The following OTOGL variants were observed in gnomAD, a reference collection of about 807,000 sequenced individuals.
The protein encoded by OTOGL is otogelin-like protein.
A neutral mutation model predicts 318.5 loss-of-function variants in OTOGL; 285 were observed. The observed-to-expected ratio is 0.89, with a 90% CI of 0.81 to 0.99. The LOEUF (loss-of-function observed/expected upper bound fraction) is 0.99, where lower values mean the gene tolerates loss of function less well. OTOGL is among the 50% of genes least tolerant of loss of function. The pLI, the probability that OTOGL is intolerant of heterozygous loss-of-function variation, is 0.00. For synonymous variants in OTOGL, 987 were observed against 936.5 expected (o/e 1.05, Z -0.99); for missense variants, 2,899 against 2,845.6 (o/e 1.02, Z -0.43).
At chr12:80,246,341 A>G (rs1313977119) in intron 11 of OTOGL, among the ~76,000 whole-genome samples, 2 of 145,308 alleles carry the variant, frequency 1.4e-5, no homozygotes, top group Admixed American at 1.3e-4. Context: ...CGTCCCATCA[A>G]TACCTAATTT....
intron 1 of OTOGL, among the ~76,000 whole-genome samples, chr12:80,164,332 T>C (rs993285162): frequency 3.3e-5 from 5 of 152,150 alleles, no homozygotes; most frequent in African/African-American, 1.2e-4. Flanking sequence ...TGGGTGTTTG[T>C]TTAAATGTTT....
intron 9 of OTOGL, 122 bp downstream of exon 9, chr12:80,233,219 CT>C: frequency 1.2e-6 from 1 of 834,092 alleles, no homozygotes; most frequent in Non-Finnish European, 1.8e-6. Context: ...CACTTGCCTG[CT>C]TTAGTGATTT....
At chr12:80,131,759 T>A (rs921046684) in intron 1 of OTOGL, 8 of 152,352 alleles carry the variant, frequency 5.3e-5, no homozygotes, top group Non-Finnish European at 7.4e-5. Context: ...CCTGTAAGAA[T>A]CATTCAAGAT....
chr12:80,278,910 C>A (rs913803095), intron 25 of OTOGL, 118 bp from the exon 26 acceptor site: 6 of 1,165,410 alleles, frequency 5.1e-6, no homozygotes. Flanking sequence ...TGGCAATATT[C>A]GTAAGGGATA....
intron 29 of OTOGL, among the ~76,000 whole-genome samples, chr12:80,309,235 G>T (rs531337223): frequency 1.3e-5 from 2 of 152,264 alleles, no homozygotes; most frequent in East Asian, 3.9e-4. Context: ...AGAGTCTAGA[G>T]GTGGAAAATT....
intron 55 of OTOGL, 87 bp downstream of exon 55, chr12:80,368,396 A>C: frequency 3.8e-6 from 3 of 786,058 alleles, no homozygotes; most frequent in Non-Finnish European, 6.3e-6. Context: ...CCCCCCACAC[A>C]CACTGCACTG....
chr12:80,147,599 C>A (rs1872479410), intron 1 of OTOGL, among the ~76,000 whole-genome samples: 1 of 151,874 alleles, frequency 6.6e-6, no homozygotes, highest in Non-Finnish European at 1.5e-5. Flanking sequence ...AGTTTAATTC[C>A]TGGGTATTCT....
At chr12:80,297,687 CTT>C (rs961870851) in intron 27 of OTOGL, among the ~76,000 whole-genome samples, 2 of 152,144 alleles carry the variant, frequency 1.3e-5, no homozygotes, top group Admixed American at 6.5e-5. Context: ...TTCTTCAAGA[CTT>C]TGAGATGCCT....
intron 26 of OTOGL, among the ~76,000 whole-genome samples, chr12:80,294,981 A>G (rs1027232301): frequency 1.3e-5 from 2 of 151,994 alleles, no homozygotes; most frequent in African/African-American, 2.4e-5. Context: ...TCTCTCTCCC[A>G]GCTACTCAGG....
intron 1 of OTOGL, among the ~76,000 whole-genome samples, chr12:80,177,747 A>AT (rs1250333479): frequency 6.6e-6 from 1 of 151,924 alleles, no homozygotes; most frequent in Non-Finnish European, 1.5e-5. Context: ...TAGGTCTTTA[A>AT]TTTTTTTACA....
At chr12:80,369,934 T>C (rs1326835577) in intron 55 of OTOGL, among the ~76,000 whole-genome samples, 1 of 152,040 alleles carries the variant, frequency 6.6e-6, no homozygotes, top group Non-Finnish European at 1.5e-5. Flanking sequence ...AAAATATAGA[T>C]TAACAATTAT....
intron 1 of OTOGL, among the ~76,000 whole-genome samples, chr12:80,105,020 AGGGAGGT>A (rs1030558598): frequency 6.6e-6 from 1 of 151,996 alleles, no homozygotes; most frequent in Non-Finnish European, 1.5e-5. Flanking sequence ...CGCTTGAACC[AGGGAGGT>A]GGGGGTTGCA....
At chr12:80,155,652 T>C (rs1873065480) in intron 1 of OTOGL, among the ~76,000 whole-genome samples, 1 of 152,244 alleles carries the variant, frequency 6.6e-6, no homozygotes, top group African/African-American at 2.4e-5. Flanking sequence ...TTTTTAAATG[T>C]ACAATTAAAT....
chr12:80,270,180 G>A, intron 23 of OTOGL, 26 bp downstream of exon 23: 1 of 1,565,590 alleles, frequency 6.4e-7, no homozygotes, highest in Non-Finnish European at 8.8e-7. Flanking sequence ...ATGTTTTCCT[G>A]AATGAGGGTT....
At position 80,233,209 on chromosome 12, in the gene OTOGL, C is replaced by T. The variant is rs187227507; in HGVS notation, c.817+112C>T. ...TAGCTTTGGGAAAATTTGTGGCTGT[C>T]ACTTGCCTGCTTTAGTGATTTTAAG... On this transcript the variant is annotated intron_variant, in intron 9 of 58. Coordinates refer to ENST00000547103, the MANE Select transcript of OTOGL (RefSeq NM_001378609.3). The T allele has an allele frequency of 1.4e-4, 132 of 914,774 alleles. No individual in the cohort carries two copies. In the African/African-American group the frequency reaches 1.8e-3, roughly 13 times the overall value. 56.7% of individuals were successfully genotyped at this position (914,774 alleles called of 1,614,324 possible). A position where few individuals can be genotyped will look rare whatever the true frequency, so the allele number is the denominator to read the frequency against.
chr12:80,217,041 C>T (rs2137331914), intron 4 of OTOGL, among the ~76,000 whole-genome samples: 1 of 152,212 alleles, frequency 6.6e-6, no homozygotes, highest in East Asian at 1.9e-4. Flanking sequence ...AGGTGACACA[C>T]TGGCACCGAA....
At chr12:80,329,259 A>G (rs912314619) in intron 37 of OTOGL, 140 bp downstream of exon 37, 2 of 633,002 alleles carry the variant, frequency 3.2e-6, no homozygotes, top group African/African-American at 3.9e-5. Flanking sequence ...CTTTTGCTTC[A>G]TTAAGCTTGT....
chr12:80,279,223 C>T (rs1000078464), intron 26 of OTOGL, 57 bp downstream of exon 26: 2 of 1,463,782 alleles, frequency 1.4e-6, no homozygotes, highest in Non-Finnish European at 1.8e-6. Context: ...ATGTAAAAAA[C>T]AAGTATGCTG....
chr12:80,142,054 T>C (rs1871980929), intron 1 of OTOGL, among the ~76,000 whole-genome samples: 1 of 152,004 alleles, frequency 6.6e-6, no homozygotes, highest in South Asian at 2.1e-4. Context: ...TTGCTTAGTG[T>C]ACCAAATGGG....
Sources: allele counts gnomAD v4.1 joint callset (sites outside exome capture counted in the v4.1 genomes callset), GRCh38; gene constraint gnomAD v4.1.1; transcripts MANE v1.5; gene names NCBI Gene and HGNC (gene_info 2026-07-23, HGNC 2026-07-21).